Variants in GOLGA6L2 observed in about 807,000 individuals in gnomAD.
The protein encoded by GOLGA6L2 is golgin A6 family like 2, also known as golgin subfamily A member 6-like protein 2.
Under a neutral mutation model 35.9 loss-of-function variants are expected in GOLGA6L2, and 30 were observed. The observed-to-expected ratio is 0.83, with a 90% confidence interval of 0.62 to 1.13. GOLGA6L2 has a LOEUF of 1.13. Among genes scored for constraint, GOLGA6L2 ranks in the 50% most tolerant of loss-of-function variants. The pLI, the probability that GOLGA6L2 is intolerant of heterozygous loss-of-function variation, is 0.00. For synonymous variants in GOLGA6L2, 297 were observed against 344.0 expected (o/e 0.86, Z 1.51); for missense variants, 821 against 973.4 (o/e 0.84, Z 2.08).
In GOLGA6L2 at chr15:23,442,503, G is replaced by C. The variant is rs562124454; in HGVS notation, c.597C>G (p.Ile199Met). 1 of 1,592,008 alleles carries C rather than the reference G, an allele frequency of 6.3e-7. No homozygotes were observed. The highest frequency in any genetic ancestry group is 8.5e-7 in the Non-Finnish European group (1 of 1,176,392). ...CGTCCCTCTCCTTTGTTAACTCCTC[G>C]ATGTACTGCAAATAGAGAAAGGTTA... Reference protein sequence around the residue: ...STWHKKADRYIEELTKERDAL... With the variant: ...STWHKKADRYMEELTKERDAL... Residue 199 changes from isoleucine (I) to methionine (M), a missense_variant, in exon 6 of 8, where the codon ATC becomes ATG. By Grantham distance (10) the Ile-to-Met change is conservative. Coordinates refer to ENST00000567107, the MANE Select transcript of GOLGA6L2 (RefSeq NM_001304388.2).
At position 23,439,599 on chromosome 15, in the gene GOLGA6L2, A is replaced by G. The variant is rs561083105; in HGVS notation, c.*146T>C. The G allele has an allele frequency of 6.5e-7, 1 of 1,536,056 alleles. No homozygotes were observed. Among genetic ancestry groups the G allele is most frequent in the South Asian group, 1.2e-5 (1 of 83,982 alleles). ...TCTCCTCGGTAGAAGAATGGGATGC[A>G]GGAGGTACTGCCTAATCCTGGGCAC... On this transcript the variant is annotated 3_prime_UTR_variant, in exon 8 of 8. Transcript: ENST00000567107.
At chr15:23,441,766 A>G (rs1331038019) in intron 7 of GOLGA6L2, 84 bp from the exon 8 acceptor site, 3 of 1,404,706 alleles carry the variant, frequency 2.1e-6, no homozygotes, top group Non-Finnish European at 2.8e-6. Flanking sequence ...TTTAAAAAAA[A>G]TTTTTAAGCC....
chr15:23,442,200 C>T, intron 6 of GOLGA6L2, 80 bp from the exon 7 acceptor site: 2 of 1,463,950 alleles, frequency 1.4e-6, no homozygotes, highest in Non-Finnish European at 1.8e-6. Flanking sequence ...TACTCTCGCC[C>T]CACAAGCACA....
chr15:23,442,630 G>T, intron 5 of GOLGA6L2, 122 bp from the exon 6 acceptor site: 1 of 912,282 alleles, frequency 1.1e-6, no homozygotes, highest in Non-Finnish European at 1.7e-6. Flanking sequence ...CACCCGACAT[G>T]TTCTCAAGGC....
intron 5 of GOLGA6L2, among the ~76,000 whole-genome samples, chr15:23,443,391 C>T (rs1048739232): frequency 6.6e-6 from 1 of 151,182 alleles, no homozygotes; most frequent in South Asian, 2.1e-4. Flanking sequence ...CACACACACA[C>T]ACACACACAC....
chr15:23,442,570 A>G, intron 5 of GOLGA6L2, 62 bp from the exon 6 acceptor site: 1 of 1,468,822 alleles, frequency 6.8e-7, no homozygotes, highest in East Asian at 2.4e-5. Flanking sequence ...GCCGACCAGG[A>G]ACAACAGCTA....
intron 1 of GOLGA6L2, among the ~76,000 whole-genome samples, chr15:23,446,162 A>G (rs1384118288): frequency 6.6e-6 from 1 of 152,062 alleles, no homozygotes; most frequent in Non-Finnish European, 1.5e-5. Context: ...TGGTCCCAGA[A>G]CCATGGAGAA....
chr15:23,444,104 A>G (rs1191297960), intron 4 of GOLGA6L2, 31 bp from the exon 5 acceptor site: 1 of 1,588,672 alleles, frequency 6.3e-7, no homozygotes, highest in East Asian at 2.3e-5. Flanking sequence ...AAGTGCTGAA[A>G]GAGAAGCAAA....
At chr15:23,442,416 C>T in intron 6 of GOLGA6L2, 34 bp downstream of exon 6, 5 of 1,582,650 alleles carry the variant, frequency 3.2e-6, no homozygotes, top group Non-Finnish European at 3.4e-6. Context: ...GCTAAGGGCC[C>T]CCAGACCTCC....
At chr15:23,444,968 C>G (rs1382738631) in intron 2 of GOLGA6L2, among the ~76,000 whole-genome samples, 1 of 143,702 alleles carries the variant, frequency 7.0e-6, no homozygotes, top group Admixed American at 7.3e-5. Context: ...CTCTGATACT[C>G]TAACTCTACC....
At position 23,443,949 on chromosome 15, in the gene GOLGA6L2, T is replaced by C. The variant is rs1355778637; in HGVS notation, c.419A>G (p.Asn140Ser). The change falls in exon 5 of 8, where the codon AAC (asparagine) becomes AGC (serine). Residue 140 changes from asparagine to serine, a missense_variant. Physicochemically the swap from Asn to Ser is conservative, Grantham distance 46. This residue lies in a region of GOLGA6L2 where 614 missense variants were observed against 632.3 expected (regional missense o/e 0.97). Transcript: ENST00000567107. ...DGNLGTPSSF[N>S]LALSQAFRGS... Reference sequence around the variant, plus strand: ...CCTAAAGGCCTGTGAAAGTGCCAGGTTGAAGGATGATGGGGTGCCCAGGTT... The same window carrying C: ...CCTAAAGGCCTGTGAAAGTGCCAGGCTGAAGGATGATGGGGTGCCCAGGTT... 10 of 1,559,788 alleles carry C rather than the reference T, an allele frequency of 6.4e-6. No homozygotes were observed. The highest frequency in any genetic ancestry group is 8.6e-6 in the Non-Finnish European group (10 of 1,159,464).
At position 23,442,511 on chromosome 15, in the gene GOLGA6L2, G is replaced by A. The variant is rs907914403; in HGVS notation, c.592-3C>T. 152 of 1,589,888 alleles carry A rather than the reference G, an allele frequency of 9.6e-5. No individual in the cohort carries two copies. The highest frequency in any genetic ancestry group is 1.2e-4 in the Non-Finnish European group (143 of 1,175,294). ...TCCTTTGTTAACTCCTCGATGTACT[G>A]CAAATAGAGAAAGGTTAAGTCAGGA... On this transcript the variant is annotated splice_region_variant and splice_polypyrimidine_tract_variant and intron_variant, in intron 5 of 7. Coordinates refer to ENST00000567107, the MANE Select transcript of GOLGA6L2 (RefSeq NM_001304388.2).
At position 23,444,055 on chromosome 15, in the gene GOLGA6L2, G is replaced by A. The variant is rs115637582; in HGVS notation, c.313C>T (p.Arg105Ter). 2,820 of 1,561,676 alleles carry A rather than the reference G, an allele frequency of 1.8e-3. 62 individuals are homozygous for A. In the African/African-American group the frequency reaches 0.034, roughly 19 times the overall value. ...REIEAQDHTI[R>*]ILTCQKTELE... ...TCAGTTTTCTGACACGTGAGAATTC[G>A]TATTGTATGATCCTGGGCCTTTGGG... Residue 105 changes from arginine to a stop codon, truncating the protein, a stop_gained, in exon 5 of 8, where the codon CGA becomes TGA. Transcript: ENST00000567107. LOFTEE classifies it high-confidence loss of function.
At chr15:23,442,186 C>T in intron 6 of GOLGA6L2, 66 bp from the exon 7 acceptor site, 21 of 1,505,082 alleles carry the variant, frequency 1.4e-5, no homozygotes, top group Non-Finnish European at 1.9e-5. Flanking sequence ...GGTGATCAAC[C>T]CTCTACTCTC....
At position 23,441,960 on chromosome 15, in the gene GOLGA6L2, T is replaced by C. The variant is rs528688580; in HGVS notation, c.792+19A>G. ...AGCTGGATGGGTCTCCCACAACCCCTGGGGCTGCAGCCGCTCACCTGTGGC... is the reference window on the plus strand; with the variant it reads ...AGCTGGATGGGTCTCCCACAACCCCCGGGGCTGCAGCCGCTCACCTGTGGC... On this transcript the variant is annotated intron_variant, in intron 7 of 7. Coordinates refer to ENST00000567107, the MANE Select transcript of GOLGA6L2 (RefSeq NM_001304388.2). 129 of 1,540,896 alleles carry C rather than the reference T, an allele frequency of 8.4e-5. No homozygotes were observed. The highest frequency in any genetic ancestry group is 1.0e-4 in the Non-Finnish European group (115 of 1,150,756).
At chr15:23,446,349 A>T (rs1411296397) in intron 1 of GOLGA6L2, among the ~76,000 whole-genome samples, 2 of 152,068 alleles carry the variant, frequency 1.3e-5, no homozygotes, top group Non-Finnish European at 2.9e-5. Context: ...GTGTTAAGGG[A>T]GTAAGGCAGC....
Position 23,441,659 on chromosome 15 carries a change from C to T in GOLGA6L2, c.816G>A (p.Glu272=), listed in dbSNP as rs1215762784. ...GCTCCTCCTCCTGCCTCCACATCTC[C>T]TCCTGCAAAGTGTTGGTTTGAACCT... ...LPQVQTNTLQ[E]EMWRQEEELR... The change falls in exon 8 of 8, where the codon GAG becomes GAA. Residue 272 remains glutamate (E), a synonymous_variant. Transcript: ENST00000567107. 6.5e-7 allele frequency: 1 copy of T among 1,531,346 alleles called. No homozygotes were observed. The allele number at this position is 1,531,346 out of a possible 1,614,324, so 94.9% of individuals were successfully genotyped here.
rs764168807 is a variant in GOLGA6L2, at chr15:23,439,528, T to G, written c.*217A>C. ...CGGCTTATGCTTCTGTAGGCCTTGT[T>G]GACAGTGCCAACTTTTAGATATTGA... On this transcript the variant is annotated 3_prime_UTR_variant, in exon 8 of 8. Transcript: ENST00000567107. 2.0e-6 allele frequency: 3 copies of G among 1,494,138 alleles called. No individual in the cohort carries two copies. Among genetic ancestry groups the G allele is most frequent in the Non-Finnish European group, 2.7e-6 (3 of 1,111,590 alleles). 92.6% of individuals were successfully genotyped at this position (1,494,138 alleles called of 1,614,324 possible).
chr15:23,444,325 G>A, intron 3 of GOLGA6L2, 113 bp from the exon 4 acceptor site: 3 of 1,475,594 alleles, frequency 2.0e-6, no homozygotes, highest in South Asian at 1.2e-5. Flanking sequence ...ATGGGACCAG[G>A]TTATCAGGGA....
Sources: allele counts gnomAD v4.1 joint callset (sites outside exome capture counted in the v4.1 genomes callset), GRCh38; gene constraint gnomAD v4.1.1; regional missense constraint gnomAD v4.1.1; transcripts MANE v1.5; gene names NCBI Gene and HGNC (gene_info 2026-07-23, HGNC 2026-07-21).